VAT1L: variants seen among roughly 807,000 people sequenced by gnomAD.
The protein encoded by VAT1L is putative NADPH-dependent quinone oxidoreductase VAT1L.
A neutral mutation model predicts 44.1 loss-of-function variants in VAT1L; 34 were observed. The observed-to-expected ratio is 0.77, with a 90% confidence interval of 0.59 to 1.03. VAT1L has a LOEUF of 1.03. Among genes scored for constraint, VAT1L ranks in the 50% least tolerant of loss-of-function variants. The pLI, the probability that VAT1L is intolerant of heterozygous loss-of-function variation, is 0.00. For missense variants in VAT1L, 615 were observed against 538.8 expected, an observed-to-expected ratio of 1.14 and a Z score of -1.40; for synonymous variants, 253 against 202.2, an observed-to-expected ratio of 1.25 and a Z score of -2.13.
chr16:77,901,887 C>A (rs746606771), intron 7 of VAT1L, among the ~76,000 whole-genome samples: 2 of 152,286 alleles, frequency 1.3e-5, no homozygotes, highest in Non-Finnish European at 2.9e-5. Context: ...TGGTCTTATT[C>A]TTGCTGTTTC....
chr16:77,846,011 C>T (rs949627122), intron 3 of VAT1L, among the ~76,000 whole-genome samples: 1 of 152,124 alleles, frequency 6.6e-6, no homozygotes, highest in Non-Finnish European at 1.5e-5. Flanking sequence ...TTCTTGAAAT[C>T]AGAATGGGCC....
chr16:77,825,857 A>AT (rs1416233748), intron 3 of VAT1L, among the ~76,000 whole-genome samples: 38 of 30,234 alleles, frequency 1.3e-3, no homozygotes, highest in Admixed American at 2.9e-3. Context: ...TCTACTAAAA[A>AT]TAAAAAAAAA....
rs552315113 is a variant in VAT1L, at chr16:77,847,879, G to A, written c.580-14869G>A. On this transcript the variant is annotated intron_variant, in intron 3 of 8. Coordinates refer to ENST00000302536, the MANE Select transcript of VAT1L (RefSeq NM_020927.3). Reference sequence around the variant, plus strand: ...CAAAAATTGTGTTATACAAAAGTAGGCTGTCAACAAAGAAATATCAAGAAC... The same window carrying A: ...CAAAAATTGTGTTATACAAAAGTAGACTGTCAACAAAGAAATATCAAGAAC... Among the ~76,000 whole-genome samples the A allele has an allele frequency of 7.9e-5, 12 of 152,276 alleles. No individual in the cohort carries two copies. The East Asian group carries it at 2.3e-3, about 29-fold the overall frequency.
intron 7 of VAT1L, among the ~76,000 whole-genome samples, chr16:77,885,356 A>G (rs757607262): frequency 1.3e-5 from 2 of 152,214 alleles, no homozygotes; most frequent in African/African-American, 4.8e-5. Context: ...AAGAACATTA[A>G]GAACCCCTAA....
At chr16:77,870,058 T>C (rs940755621) in intron 4 of VAT1L, among the ~76,000 whole-genome samples, 2 of 152,198 alleles carry the variant, frequency 1.3e-5, no homozygotes, top group Non-Finnish European at 2.9e-5. Context: ...GGAGGTAGTA[T>C]TGCGAAGTAC....
At chr16:77,935,945 A>C (rs1056165655) in intron 7 of VAT1L, among the ~76,000 whole-genome samples, 4 of 152,160 alleles carry the variant, frequency 2.6e-5, no homozygotes, top group African/African-American at 9.7e-5. Flanking sequence ...GATGCCTAAT[A>C]AATACTCACT....
intron 3 of VAT1L, among the ~76,000 whole-genome samples, chr16:77,841,267 G>A (rs2016701802): frequency 6.6e-6 from 1 of 152,162 alleles, no homozygotes; most frequent in African/African-American, 2.4e-5. Flanking sequence ...ACTTTTTGGT[G>A]AGATGGGAAC....
At position 77,884,823 on chromosome 16, in the gene VAT1L, C is replaced by A. The variant is rs936079758; in HGVS notation, c.1077+21C>A. On this transcript the variant is annotated intron_variant, in intron 7 of 8. Coordinates refer to ENST00000302536, the MANE Select transcript of VAT1L (RefSeq NM_020927.3). The surrounding 1 kb of genome is among the most constrained non-coding windows in gnomAD (Gnocchi z 4.5). ...AGGAGGTAAGAATGGTGCTTTTCTT[C>A]TGCAAATAAACTCCTCTTTTTAACT... 3.5e-6 allele frequency: 5 copies of A among 1,447,688 alleles called. No individual in the cohort carries two copies. The highest frequency in any genetic ancestry group is 4.5e-6 in the Non-Finnish European group (5 of 1,099,370). 89.7% of individuals were successfully genotyped at this position (1,447,688 alleles called of 1,614,324 possible).
At chr16:77,886,282 A>T (rs1306865028) in intron 7 of VAT1L, among the ~76,000 whole-genome samples, 1 of 152,184 alleles carries the variant, frequency 6.6e-6, no homozygotes, top group Non-Finnish European at 1.5e-5. Context: ...GGTATTCACT[A>T]TCATATCTCA....
At chr16:77,847,991 G>T (rs1285699244) in intron 3 of VAT1L, among the ~76,000 whole-genome samples, 1 of 152,182 alleles carries the variant, frequency 6.6e-6, no homozygotes, top group East Asian at 1.9e-4. Flanking sequence ...CCTGGACGTA[G>T]TGCCATTTGC....
chr16:77,790,691 T>A (rs893656348), intron 1 of VAT1L, among the ~76,000 whole-genome samples: 1 of 152,214 alleles, frequency 6.6e-6, no homozygotes, highest in African/African-American at 2.4e-5. Flanking sequence ...ATGTAATTTA[T>A]GACCCTTCAT....
chr16:77,922,941 A>G (rs62042215), intron 7 of VAT1L, among the ~76,000 whole-genome samples: 1 of 151,986 alleles, frequency 6.6e-6, no homozygotes, highest in African/African-American at 2.4e-5. Flanking sequence ...CTCAACCCAG[A>G]CCTGTTTGTT....
chr16:77,874,015 C>T (rs368971167), intron 4 of VAT1L, among the ~76,000 whole-genome samples: 7 of 152,090 alleles, frequency 4.6e-5, no homozygotes, highest in African/African-American at 1.7e-4. Flanking sequence ...AGCAACAGGT[C>T]AAGGTGGGAC....
chr16:77,910,673 CAAA>C (rs3038773), intron 7 of VAT1L, among the ~76,000 whole-genome samples: 27 of 82,944 alleles, frequency 3.3e-4, no homozygotes, highest in East Asian at 1.1e-3. Flanking sequence ...GACTCCTTCT[CAAA>C]AAAAAAAAAA....
intron 3 of VAT1L, among the ~76,000 whole-genome samples, chr16:77,857,492 G>A (rs1234074436): frequency 6.6e-6 from 1 of 151,972 alleles, no homozygotes; most frequent in Admixed American, 6.6e-5. Flanking sequence ...CCTAAGACAG[G>A]TGATGGAGAA....
chr16:77,821,243 C>T (rs1436804154), intron 2 of VAT1L, among the ~76,000 whole-genome samples: 5 of 151,450 alleles, frequency 3.3e-5, no homozygotes, highest in Admixed American at 1.3e-4. Context: ...ATAATGGGAT[C>T]TGCATAATTA....
At chr16:77,824,614 G>A (rs1474728963) in intron 2 of VAT1L, among the ~76,000 whole-genome samples, 1 of 151,336 alleles carries the variant, frequency 6.6e-6, no homozygotes, top group African/African-American at 2.4e-5. Flanking sequence ...AAATTAGCCG[G>A]GCATGGTGAC....
intron 3 of VAT1L, among the ~76,000 whole-genome samples, chr16:77,840,856 A>C (rs930457929): frequency 2.0e-5 from 3 of 152,170 alleles, no homozygotes; most frequent in Non-Finnish European, 2.9e-5. Flanking sequence ...AATGTAATGC[A>C]TACTTAGCTA....
intron 3 of VAT1L, among the ~76,000 whole-genome samples, chr16:77,825,936 T>C (rs1171930974): frequency 7.2e-6 from 1 of 139,322 alleles, no homozygotes; most frequent in Non-Finnish European, 1.5e-5. Context: ...GGCAGAAGAA[T>C]GGCGTGAACC....
Sources: allele counts gnomAD v4.1 joint callset (sites outside exome capture counted in the v4.1 genomes callset), GRCh38; gene constraint gnomAD v4.1.1; non-coding constraint Gnocchi (gnomAD v3.1); transcripts MANE v1.5; gene names NCBI Gene and HGNC (gene_info 2026-07-23, HGNC 2026-07-21).